Variants in UTP20 observed in about 807,000 individuals in gnomAD.
UTP20 encodes small subunit processome component 20 homolog.
A neutral mutation model predicts 329.5 loss-of-function variants in UTP20; 164 were observed. The ratio of observed to expected loss-of-function variants is 0.50; its 90% CI spans 0.44 to 0.57. The LOEUF (loss-of-function observed/expected upper bound fraction) is 0.57. Among genes scored for constraint, UTP20 ranks in the 20% least tolerant of loss-of-function variants. The probability of loss-of-function intolerance (pLI) is 0.00; values close to 1 mark genes in which losing one functional copy is unlikely to be tolerated. For synonymous variants in UTP20, 1,151 were observed against 1,159.3 expected, an observed-to-expected ratio of 0.99 and a Z score of 0.14; for missense variants, 3,055 against 3,284.2, an observed-to-expected ratio of 0.93 and a Z score of 1.71.
intron 15 of UTP20, 104 bp from the exon 16 acceptor site, chr12:101,305,810 CT>C: frequency 2.3e-6 from 3 of 1,318,204 alleles, no homozygotes; most frequent in Non-Finnish European, 3.0e-6. Context: ...TGCCTGTTAC[CT>C]TTTACATTTT....
chr12:101,342,516 T>C lies in UTP20; in HGVS notation c.4172T>C (p.Leu1391Pro). The part of the protein sequence containing the change: ...LKHCVDPTSF[L>P]KPIAKLFSVI... Reference sequence around the variant, plus strand: ...CATTGTGTGGACCCTACAAGCTTCCTCAAGCCTATAGCAAAACTTTTCTCA... The same window carrying C: ...CATTGTGTGGACCCTACAAGCTTCCCCAAGCCTATAGCAAAACTTTTCTCA... The change falls in exon 33 of 62, where the codon CTC becomes CCC. Residue 1391 changes from leucine (L) to proline (P), a missense_variant. By Grantham distance (98) the Leu-to-Pro change is moderately conservative (BLOSUM62 -3). This residue lies in a region of UTP20 where 2,445 missense variants were observed against 2,575.5 expected (regional missense o/e 0.95). Coordinates refer to ENST00000261637, the MANE Select transcript of UTP20 (RefSeq NM_014503.3). 2 of 1,613,690 alleles carry C rather than the reference T, an allele frequency of 1.2e-6. No homozygotes were observed. The highest frequency in any genetic ancestry group is 1.7e-6 in the Non-Finnish European group (2 of 1,179,788).
chr12:101,307,322 CACAT>C (rs1178557079), intron 17 of UTP20, among the ~76,000 whole-genome samples: 12 of 146,628 alleles, frequency 8.2e-5, no homozygotes, highest in African/African-American at 3.1e-4. Context: ...CACACACACA[CACAT>C]AATTTAAACA....
chr12:101,369,688 C>T, intron 48 of UTP20, 33 bp from the exon 49 acceptor site: 3 of 1,168,304 alleles, frequency 2.6e-6, no homozygotes, highest in African/African-American at 1.5e-5. Context: ...GGTCACATCA[C>T]AAGTTGGTGG....
chr12:101,365,396 A>G (rs1466572813), intron 45 of UTP20, 63 bp from the exon 46 acceptor site: 9 of 1,284,776 alleles, frequency 7.0e-6, no homozygotes, highest in Non-Finnish European at 9.5e-6. Flanking sequence ...GAAAACTGCC[A>G]TTATGACAAA....
rs143547214 is a variant in UTP20 at position 101,334,439 on chromosome 12, A to G, written c.3576A>G (p.Gly1192=). 24 of 1,612,014 alleles carry G rather than the reference A, an allele frequency of 1.5e-5. No individual in the cohort carries two copies. The highest frequency in any genetic ancestry group is 1.9e-5 in the Non-Finnish European group (22 of 1,179,808). ...TTGTCTCCTAGATCAGCAGGCTTGG[A>G]TCTGAGAGTCAATATTCTCCTACTC... ...GAVWPQISRL[G]SESQYSPTPL... Residue 1192 remains glycine (G), a synonymous_variant, in exon 29 of 62, where the codon GGA becomes GGG. Coordinates refer to ENST00000261637, the MANE Select transcript of UTP20 (RefSeq NM_014503.3).
At chr12:101,326,295 G>A (rs7305717) in intron 25 of UTP20, among the ~76,000 whole-genome samples, 18,146 of 152,098 alleles carry the variant, frequency 0.12, 1,350 homozygotes, top group Middle Eastern at 0.23. Context: ...AGCAAGATTG[G>A]CATGTAGTTT....
chr12:101,280,384 C>T lies in UTP20; in HGVS notation c.45+57C>T, dbSNP rs148551605. ...GGTCTCCGCTGCCTCAGTCGTGAGACAGGCTCTGAGCGAGACTCCAGGGGC... is the reference window on the plus strand; with the variant it reads ...GGTCTCCGCTGCCTCAGTCGTGAGATAGGCTCTGAGCGAGACTCCAGGGGC... On this transcript the variant is annotated intron_variant, in intron 1 of 61. Coordinates refer to ENST00000261637, the MANE Select transcript of UTP20 (RefSeq NM_014503.3). 6,642 of 1,548,750 alleles carry T rather than the reference C, an allele frequency of 4.3e-3. 19 individuals are homozygous for T. The highest frequency in any genetic ancestry group is 8.3e-3 in the Middle Eastern group (49 of 5,904).
intron 2 of UTP20, among the ~76,000 whole-genome samples, chr12:101,283,998 TG>T (rs752409958): frequency 2.9e-4 from 44 of 152,302 alleles, no homozygotes; most frequent in Admixed American, 5.9e-4. Context: ...TTTTTGATAT[TG>T]TAGATTTGGC....
intron 18 of UTP20, 57 bp downstream of exon 18, chr12:101,308,400 G>T: frequency 7.9e-7 from 1 of 1,263,478 alleles, no homozygotes; most frequent in South Asian, 2.8e-5. Context: ...ATCCTGTTTG[G>T]GGAAGCACAT....
chr12:101,380,820 C>G (rs1013508920), intron 57 of UTP20, among the ~76,000 whole-genome samples: 5 of 147,968 alleles, frequency 3.4e-5, no homozygotes, highest in African/African-American at 1.3e-4. Context: ...GCCGAGATCA[C>G]TCCAGTGCAG....
At chr12:101,300,177 G>T in intron 14 of UTP20, 116 bp downstream of exon 14, 1 of 1,017,350 alleles carries the variant, frequency 9.8e-7, no homozygotes, top group Non-Finnish European at 1.5e-6. Flanking sequence ...ATAACCCCCT[G>T]GATGATAAAT....
At chr12:101,356,773 C>T in intron 42 of UTP20, 80 bp downstream of exon 42, 1 of 1,524,568 alleles carries the variant, frequency 6.6e-7, no homozygotes, top group Middle Eastern at 1.8e-4. Context: ...TCTCTTTTGT[C>T]AGGAAGAGGA....
intron 15 of UTP20, 144 bp from the exon 16 acceptor site, chr12:101,305,771 A>C (rs1872629198): frequency 5.5e-6 from 5 of 908,120 alleles, no homozygotes; most frequent in South Asian, 3.1e-5. Context: ...TTCATCTATG[A>C]AGTGAGCCAG....
intron 27 of UTP20, 101 bp downstream of exon 27, chr12:101,329,550 A>G: frequency 1.6e-6 from 2 of 1,213,266 alleles, no homozygotes; most frequent in Middle Eastern, 4.1e-4. Context: ...TCCAACTCTC[A>G]TTTCAAGTTT....
At chr12:101,292,196 G>T (rs142143298) in intron 10 of UTP20, 92 bp downstream of exon 10, 4 of 1,372,044 alleles carry the variant, frequency 2.9e-6, no homozygotes, top group Non-Finnish European at 3.9e-6. Context: ...TGTGACAAAG[G>T]CTCTGCCCTC....
At chr12:101,364,156 C>T (rs1389296683) in intron 45 of UTP20, among the ~76,000 whole-genome samples, 2 of 152,106 alleles carry the variant, frequency 1.3e-5, no homozygotes, top group Non-Finnish European at 2.9e-5. Flanking sequence ...CCTGTAATTC[C>T]AGCAATTTGG....
chr12:101,373,901 AT>A, intron 54 of UTP20, 134 bp downstream of exon 54: 2 of 1,077,764 alleles, frequency 1.9e-6, no homozygotes, highest in Non-Finnish European at 2.6e-6. Flanking sequence ...GATTATGCAA[AT>A]AGTATATTCT....
chr12:101,366,410 TGGTTTGGG>T, intron 46 of UTP20, 140 bp from the exon 47 acceptor site: 1 of 841,462 alleles, frequency 1.2e-6, no homozygotes, highest in Non-Finnish European at 1.9e-6. Flanking sequence ...CTGTATCTCA[TGGTTTGGG>T]GGTTTGGGGA....
At chr12:101,290,683 C>A in intron 7 of UTP20, 50 bp from the exon 8 acceptor site, 1 of 1,539,722 alleles carries the variant, frequency 6.5e-7, no homozygotes, top group Non-Finnish European at 8.7e-7. Context: ...CAGAGCAATA[C>A]TTGAAAATAA....
Sources: gnomAD v4.1 joint callset for allele counts (sites outside exome capture counted in the v4.1 genomes callset) on GRCh38, gnomAD v4.1.1 for gene constraint, gnomAD v4.1.1 regional missense constraint, MANE v1.5 for transcripts, NCBI Gene and HGNC (gene_info 2026-07-23, HGNC 2026-07-21) for gene names.